Variants in EPHB2 observed in about 807,000 individuals in gnomAD.
The protein encoded by EPHB2 is ephrin type-B receptor 2.
Under a neutral mutation model 96.4 loss-of-function variants are expected in EPHB2, and 18 were observed. The ratio of observed to expected loss-of-function variants is 0.19; its 90% CI spans 0.13 to 0.28. The LOEUF is 0.28. Among genes scored for constraint, EPHB2 ranks in the 10% least tolerant of loss-of-function variants. EPHB2 has a pLI of 1.00. For missense variants in EPHB2, 989 were observed against 1,355.4 expected, an observed-to-expected ratio of 0.73 and a Z score of 4.25; for synonymous variants, 506 against 534.1, an observed-to-expected ratio of 0.95 and a Z score of 0.72.
chr1:22,844,778 G>A lies in EPHB2; in HGVS notation c.812-18259G>A, dbSNP rs951479585. On this transcript the variant is annotated intron_variant, in intron 3 of 15. Coordinates refer to ENST00000374630, the MANE Select transcript of EPHB2 (RefSeq NM_017449.5). Reference sequence around the variant, plus strand: ...CCCCCAAGAAGGAAGCCTATAGCCTGGGGCCAGCATCCTTGGGACCTTGAC... The same window carrying A: ...CCCCCAAGAAGGAAGCCTATAGCCTAGGGCCAGCATCCTTGGGACCTTGAC... Among the ~76,000 whole-genome samples, 3 of 152,184 alleles carry A rather than the reference G, an allele frequency of 2.0e-5. 1 individual carries two copies. Among genetic ancestry groups the A allele is most frequent in the Admixed American group, 1.3e-4 (2 of 15,280 alleles).
intron 3 of EPHB2, among the ~76,000 whole-genome samples, chr1:22,857,727 C>T (rs148066984): frequency 8.5e-4 from 129 of 152,212 alleles, no homozygotes; most frequent in African/African-American, 2.9e-3. Context: ...TGGTGGTACC[C>T]AGACAGGCAC....
At chr1:22,864,825 G>A in intron 4 of EPHB2, 52 bp from the exon 5 acceptor site, 2 of 1,250,890 alleles carry the variant, frequency 1.6e-6, no homozygotes, top group Non-Finnish European at 2.3e-6. Context: ...GGTCACATGG[G>A]GAATAGTACC....
intron 1 of EPHB2, among the ~76,000 whole-genome samples, chr1:22,764,678 G>A (rs1238238802): frequency 2.6e-5 from 4 of 151,876 alleles, no homozygotes; most frequent in African/African-American, 7.3e-5. Context: ...CCAGGGAGGC[G>A]GAGTTTGCAG....
intron 3 of EPHB2, among the ~76,000 whole-genome samples, chr1:22,831,994 T>C (rs775344834): frequency 2.0e-4 from 31 of 152,116 alleles, no homozygotes; most frequent in East Asian, 3.9e-4. Flanking sequence ...AGAGGAAGAA[T>C]TGGGCTTCCC....
At chr1:22,891,053 C>G (rs1161429818) in intron 6 of EPHB2, 2 of 455,920 alleles carry the variant, frequency 4.4e-6, no homozygotes, top group East Asian at 1.4e-4. Flanking sequence ...TCAGTGTGAG[C>G]CTGTTATACC....
At position 22,917,534 on chromosome 1, in the gene EPHB2, T is replaced by TG. The variant is rs1640299156; in HGVS notation, c.*3968dup. The TG allele has an allele frequency of 6.6e-6, 1 of 152,242 alleles. No homozygotes were observed. The highest frequency in any genetic ancestry group is 6.5e-5 in the Admixed American group (1 of 15,284). 9.4% of individuals were successfully genotyped at this position (152,242 alleles called of 1,614,324 possible). ...GCTCCTGTCACTAGGGATGTGAATC[T>TG]GGGGAGACACTTCCCCTCACTGAGC... On this transcript the variant is annotated 3_prime_UTR_variant, in exon 16 of 16. Coordinates refer to ENST00000374630, the MANE Select transcript of EPHB2 (RefSeq NM_017449.5).
At position 22,901,524 on chromosome 1, in the gene EPHB2, G is replaced by A. The variant is rs112561206; in HGVS notation, c.1766-4463G>A. On this transcript the variant is annotated intron_variant, in intron 9 of 15. Transcript: ENST00000374630. Reference sequence around the variant, plus strand: ...GAGGGCAGAGCAACAGCCAGTGGCCGACACCCGTAAATCATCCAAACAACA... The same window carrying A: ...GAGGGCAGAGCAACAGCCAGTGGCCAACACCCGTAAATCATCCAAACAACA... 5.1e-3 allele frequency among the ~76,000 whole-genome samples: 779 copies of A among 152,256 alleles called. 4 individuals are homozygous for A. The highest frequency in any genetic ancestry group is 7.2e-3 in the Non-Finnish European group (488 of 68,022).
intron 1 of EPHB2, among the ~76,000 whole-genome samples, chr1:22,745,193 A>T (rs1643955101): frequency 1.3e-5 from 2 of 152,242 alleles, no homozygotes; most frequent in African/African-American, 4.8e-5. Context: ...CCAAATGTCC[A>T]TCAACAAAGA....
chr1:22,868,828 C>G (rs1423632355), intron 5 of EPHB2, among the ~76,000 whole-genome samples: 2 of 152,174 alleles, frequency 1.3e-5, no homozygotes, highest in Non-Finnish European at 2.9e-5. Context: ...TCTAATCTAC[C>G]ATGCACGTGA....
intron 14 of EPHB2, among the ~76,000 whole-genome samples, chr1:22,912,218 A>G (rs143055342): frequency 6.6e-6 from 1 of 152,236 alleles, no homozygotes; most frequent in Non-Finnish European, 1.5e-5. Flanking sequence ...AGTTCTGCAC[A>G]CACACTCACT....
rs1363229379 is a variant in EPHB2 at position 22,918,618 on chromosome 1, G to GT, written c.*5049dup. On this transcript the variant is annotated 3_prime_UTR_variant, in exon 16 of 16. Transcript: ENST00000374630. The surrounding 1 kb of genome is among the most constrained non-coding windows in gnomAD (Gnocchi z 4.2). ...CATACGCATGCGAATACACCACCGG[G>GT]TGGCCTTGACCCAGCCTTCTGCAAA... 1 of 152,196 alleles carries GT rather than the reference G, an allele frequency of 6.6e-6. No individual in the cohort carries two copies. Among genetic ancestry groups the GT allele is most frequent in the African/African-American group, 2.4e-5 (1 of 41,432 alleles). The allele number at this position is 152,196 out of a possible 1,614,324, so 9.4% of individuals were successfully genotyped here. A position where few individuals can be genotyped will look rare whatever the true frequency, so the allele number is the denominator to read the frequency against.
chr1:22,774,846 C>A (rs1399593753), intron 1 of EPHB2, among the ~76,000 whole-genome samples: 1 of 152,170 alleles, frequency 6.6e-6, no homozygotes, highest in African/African-American at 2.4e-5. Flanking sequence ...TGGATGCAGA[C>A]CTCCCCTACA....
At position 22,893,047 on chromosome 1, in the gene EPHB2, G is replaced by A. The variant is rs2148566981; in HGVS notation, c.1591+1G>A. On this transcript the variant is annotated splice_donor_variant, in intron 7 of 15. Transcript: ENST00000374630. LOFTEE classifies it high-confidence loss of function. ...ATGTACTTCCAGACCATGACAGAAG[G>A]TGAGCAGAGTCCAGCGGGCAAGAGG... The A allele has an allele frequency of 6.2e-7, 1 of 1,614,216 alleles. No homozygotes were observed. The highest frequency in any genetic ancestry group is 8.5e-7 in the Non-Finnish European group (1 of 1,180,046).
intron 8 of EPHB2, among the ~76,000 whole-genome samples, chr1:22,896,193 A>AG (rs1197285010): frequency 6.6e-6 from 1 of 151,754 alleles, no homozygotes; most frequent in African/African-American, 2.4e-5. Flanking sequence ...TACTTTTTGA[A>AG]GGGGGCTTGG....
At chr1:22,748,312 G>A (rs1291663303) in intron 1 of EPHB2, among the ~76,000 whole-genome samples, 1 of 151,674 alleles carries the variant, frequency 6.6e-6, no homozygotes, top group Non-Finnish European at 1.5e-5. Context: ...CAGAGCAAAC[G>A]TTGTTTCCTA....
chr1:22,774,414 CAGG>C (rs774774358), intron 1 of EPHB2: 12 of 205,094 alleles, frequency 5.9e-5, no homozygotes, highest in Non-Finnish European at 8.6e-5. Flanking sequence ...CCAGCCAGAG[CAGG>C]AGGAGTCAGG....
At chr1:22,829,776 A>G (rs934504981) in intron 3 of EPHB2, among the ~76,000 whole-genome samples, 3 of 152,126 alleles carry the variant, frequency 2.0e-5, no homozygotes, top group African/African-American at 7.2e-5. Flanking sequence ...TGGGTCTCAG[A>G]CTAGGCAGAA....
At chr1:22,842,675 C>T (rs955205349) in intron 3 of EPHB2, among the ~76,000 whole-genome samples, 94 of 152,316 alleles carry the variant, frequency 6.2e-4, no homozygotes, top group African/African-American at 2.0e-3. Flanking sequence ...CTTCCTCCTG[C>T]TCTGCCCTGT....
At position 22,895,510 on chromosome 1, in the gene EPHB2, A is replaced by G. The variant is rs749760761; in HGVS notation, c.1630A>G (p.Ile544Val). 1.9e-6 allele frequency: 3 copies of G among 1,614,238 alleles called. No homozygotes were observed. In the South Asian group the frequency reaches 3.3e-5, roughly 18 times the overall value. The stretch of plus-strand genomic sequence containing the variant: ...AAGCATCCAGGAGAAGTTGCCACTC[A>G]TCATCGGCTCCTCGGCCGCTGGCCT... ...QTSIQEKLPL[I>V]IGSSAAGLVF... Residue 544 changes from isoleucine to valine, a missense_variant, in exon 8 of 16, where the codon ATC becomes GTC. By Grantham distance (29) the Ile-to-Val change is conservative. Coordinates refer to ENST00000374630, the MANE Select transcript of EPHB2 (RefSeq NM_017449.5).
Sources: gnomAD v4.1 joint callset for allele counts (sites outside exome capture counted in the v4.1 genomes callset) on GRCh38, gnomAD v4.1.1 for gene constraint, Gnocchi (gnomAD v3.1) non-coding constraint, MANE v1.5 for transcripts, NCBI Gene and HGNC (gene_info 2026-07-23, HGNC 2026-07-21) for gene names.